The following SHROOM4 variants were observed in gnomAD, a reference collection of about 807,000 sequenced individuals.
SHROOM4 encodes protein Shroom4.
SHROOM4 carries 17 observed loss-of-function variants against 80.3 expected under a neutral mutation model. The observed-to-expected ratio is 0.21, with a 90% CI of 0.14 to 0.32. The LOEUF is 0.32. SHROOM4 is among the 10% of genes least tolerant of loss of function. The pLI, the probability that SHROOM4 is intolerant of heterozygous loss-of-function variation, is 1.00. For missense variants in SHROOM4, 993 were observed against 1,140.3 expected (o/e 0.87, Z 1.86); for synonymous variants, 400 against 437.5 (o/e 0.91, Z 1.07).
intron 1 of SHROOM4, among the ~76,000 whole-genome samples, chrX:50,723,750 T>A (rs1278070433): frequency 9.0e-6 from 1 of 111,023 alleles, no homozygotes; most frequent in Non-Finnish European, 1.9e-5. Context: ...CTCCACATTA[T>A]CTTCTTTTCA....
intron 1 of SHROOM4, among the ~76,000 whole-genome samples, chrX:50,799,106 G>A (rs1389696256): frequency 1.8e-5 from 2 of 112,260 alleles, no homozygotes; most frequent in African/African-American, 6.5e-5. Context: ...CACACTCTAT[G>A]AGCCTGCTTC....
chrX:50,727,117 T>G, intron 1 of SHROOM4, among the ~76,000 whole-genome samples: 1 of 113,057 alleles, frequency 8.8e-6, no homozygotes, highest in East Asian at 2.8e-4. Flanking sequence ...CTTTAAGATT[T>G]AATGAATACC....
intron 1 of SHROOM4, among the ~76,000 whole-genome samples, chrX:50,744,678 G>A (rs782746568): frequency 4.5e-5 from 5 of 111,876 alleles, no homozygotes; most frequent in Non-Finnish European, 9.4e-5. Flanking sequence ...CATAATTTTT[G>A]TTGAAAATTT....
chrX:50,669,550 C>T (rs1932771259), intron 2 of SHROOM4, among the ~76,000 whole-genome samples: 1 of 111,543 alleles, frequency 9.0e-6, no homozygotes, highest in Admixed American at 9.5e-5. Context: ...ATCCACATGC[C>T]TTGGCCTCCC....
In SHROOM4 at chrX:50,634,343, C is replaced by T. The variant is rs782131732; in HGVS notation, c.1730G>A (p.Arg577His). 5 of 1,208,647 alleles carry T rather than the reference C, an allele frequency of 4.1e-6. No homozygotes were observed. Among genetic ancestry groups the T allele is most frequent in the Middle Eastern group, 4.6e-4 (2 of 4,375 alleles). ...ACTCTTCCGCCGGTTTTGGATCGAG[C>T]GGCCCCGGGTCCCTCCACTTCGCCT... Reference protein sequence around the residue: ...GGRRSGGTRGRSIQNRRKSER... With the variant: ...GGRRSGGTRGHSIQNRRKSER... The change falls in exon 4 of 9, where the codon CGC (arginine) becomes CAC (histidine). Residue 577 changes from arginine (R) to histidine (H), a missense_variant. Coordinates refer to ENST00000376020, the MANE Select transcript of SHROOM4 (RefSeq NM_020717.5).
intron 1 of SHROOM4, among the ~76,000 whole-genome samples, chrX:50,773,896 T>C (rs1336087809): frequency 2.7e-5 from 3 of 111,858 alleles, no homozygotes; most frequent in Admixed American, 9.5e-5. Flanking sequence ...GTACCATCGG[T>C]GAGATAGATC....
At chrX:50,782,841 T>C (rs782445118) in intron 1 of SHROOM4, among the ~76,000 whole-genome samples, 82 of 111,715 alleles carry the variant, frequency 7.3e-4, no homozygotes, top group Non-Finnish European at 7.2e-4. Flanking sequence ...GAATGGTGAC[T>C]GTCAGGGGCT....
intron 1 of SHROOM4, among the ~76,000 whole-genome samples, chrX:50,699,098 T>C (rs1335302993): frequency 8.9e-6 from 1 of 112,417 alleles, no homozygotes; most frequent in Non-Finnish European, 1.9e-5. Context: ...TTGTGAATTC[T>C]CAGATTAGAC....
chrX:50,626,780 G>A (rs1310878296), intron 5 of SHROOM4, among the ~76,000 whole-genome samples: 1 of 111,739 alleles, frequency 8.9e-6, no homozygotes, highest in African/African-American at 3.3e-5. Flanking sequence ...TTTGGCAAGT[G>A]GTAATTTATT....
At chrX:50,611,314 A>G (rs1929980556) in intron 5 of SHROOM4, among the ~76,000 whole-genome samples, 1 of 109,119 alleles carries the variant, frequency 9.2e-6, no homozygotes, top group Non-Finnish European at 1.9e-5. Context: ...GCGCCCGGCT[A>G]ATTTTTTTTG....
intron 1 of SHROOM4, among the ~76,000 whole-genome samples, chrX:50,718,367 G>C (rs782719502): frequency 9.0e-6 from 1 of 111,660 alleles, no homozygotes; most frequent in Admixed American, 9.5e-5. Flanking sequence ...CAACAAAGCA[G>C]AATAGATGCA....
chrX:50,623,981 G>A (rs1490597282), intron 5 of SHROOM4, among the ~76,000 whole-genome samples: 2 of 100,110 alleles, frequency 2.0e-5, no homozygotes, highest in Non-Finnish European at 4.1e-5. Context: ...TAAAGACAAA[G>A]TAGATTAGTG....
At chrX:50,810,311 T>C (rs1936304696) in intron 1 of SHROOM4, among the ~76,000 whole-genome samples, 1 of 111,107 alleles carries the variant, frequency 9.0e-6, no homozygotes, top group South Asian at 3.9e-4. Flanking sequence ...GGGTCTCCCA[T>C]GACAACTATG....
intron 1 of SHROOM4, 71 bp downstream of exon 1, chrX:50,813,831 A>C (rs1290807722): frequency 3.9e-5 from 33 of 852,583 alleles, no homozygotes; most frequent in Middle Eastern, 2.9e-4. Flanking sequence ...GGCCCCGTCC[A>C]GCGGCAGCCT....
At chrX:50,598,942 C>T (rs1356145824) in intron 7 of SHROOM4, among the ~76,000 whole-genome samples, 1 of 110,893 alleles carries the variant, frequency 9.0e-6, no homozygotes, top group Admixed American at 9.6e-5. Context: ...TCTTGCGTCT[C>T]GGCCTCCTAA....
intron 5 of SHROOM4, among the ~76,000 whole-genome samples, chrX:50,623,333 G>C (rs1487236804): frequency 8.1e-5 from 9 of 110,627 alleles, no homozygotes; most frequent in African/African-American, 3.0e-4. Context: ...GATTACAGGC[G>C]CCTGCCACCA....
At chrX:50,605,018 T>C (rs1929603314) in intron 6 of SHROOM4, among the ~76,000 whole-genome samples, 1 of 112,206 alleles carries the variant, frequency 8.9e-6, no homozygotes, top group Non-Finnish European at 1.9e-5. Flanking sequence ...GATATCTTTG[T>C]TTGCATTTTA....
intron 2 of SHROOM4, among the ~76,000 whole-genome samples, chrX:50,680,524 G>A (rs373485232): frequency 1.8e-5 from 2 of 110,868 alleles, no homozygotes; most frequent in East Asian, 5.7e-4. Context: ...AAATTAATAT[G>A]CATGTATGTA....
intron 5 of SHROOM4, among the ~76,000 whole-genome samples, chrX:50,626,497 T>C (rs1191673703): frequency 9.0e-6 from 1 of 111,453 alleles, no homozygotes; most frequent in Non-Finnish European, 1.9e-5. Context: ...TTATGTGAGT[T>C]AGCAATTCTC....
Sources: allele counts gnomAD v4.1 joint callset (sites outside exome capture counted in the v4.1 genomes callset), GRCh38; gene constraint gnomAD v4.1.1; transcripts MANE v1.5; gene names NCBI Gene and HGNC (gene_info 2026-07-23, HGNC 2026-07-21).